Variants in TNK2 observed in about 807,000 individuals in gnomAD.
TNK2 encodes the protein activated CDC42 kinase 1.
In TNK2, 83 loss-of-function variants were observed where a neutral mutation model predicts 101.8. The observed-to-expected ratio is 0.82, with a 90% CI of 0.68 to 0.98. The LOEUF (loss-of-function observed/expected upper bound fraction) is 0.98. Ranked by LOEUF, TNK2 falls within the 50% of genes least tolerant of loss-of-function variation. TNK2 has a pLI of 0.00. For synonymous variants in TNK2, 804 were observed against 633.0 expected, an observed-to-expected ratio of 1.27 and a Z score of -4.06; for missense variants, 1,665 against 1,483.2, an observed-to-expected ratio of 1.12 and a Z score of -2.01.
chr3:195,874,467 T>G (rs1747720037), intron 9 of TNK2, among the ~76,000 whole-genome samples: 1 of 151,894 alleles, frequency 6.6e-6, no homozygotes. Flanking sequence ...AGAGTAAGAG[T>G]GCGGAGGACG....
chr3:195,887,164 C>T lies in TNK2; in HGVS notation c.164-117G>A. 6.1e-6 allele frequency: 6 copies of T among 982,290 alleles called. No individual in the cohort carries two copies. In the South Asian group the frequency reaches 9.0e-5, roughly 15 times the overall value. 60.8% of individuals were successfully genotyped at this position (982,290 alleles called of 1,614,324 possible). A position where few individuals can be genotyped will look rare whatever the true frequency, so the allele number is the denominator to read the frequency against. ...CTAGACACCGCCCACCCGATGATAG[C>T]AATGAAATCAACCCCAACTAACCCG... On this transcript the variant is annotated intron_variant, in intron 2 of 15. Transcript: ENST00000672887.
In TNK2 at chr3:195,867,761, TG is replaced by T; in HGVS notation, c.2536del (p.Gln846ArgfsTer2). 4 of 1,588,426 alleles carry T rather than the reference TG, an allele frequency of 2.5e-6. No homozygotes were observed. The highest frequency in any genetic ancestry group is 2.2e-5 in the East Asian group (1 of 44,488). On this transcript the variant is annotated frameshift_variant, in exon 13 of 16. Transcript: ENST00000672887. LOFTEE classifies it high-confidence loss of function. Reference sequence around the variant, plus strand: ...CCGCGGGCCAGGGGCCTGGATCACCTGGGGGGTGGCGTACTTGGGGTCTGAG... The same window carrying T: ...CCGCGGGCCAGGGGCCTGGATCACCTGGGGGTGGCGTACTTGGGGTCTGAG... ...FASDPKYATP[Q>X]VIQAPGPRAG...
In TNK2 at chr3:195,867,706, C is replaced by G; in HGVS notation, c.2592G>C (p.Arg864=). The G allele has an allele frequency of 6.2e-7, 1 of 1,608,160 alleles. No homozygotes were observed. The stretch of plus-strand genomic sequence containing the variant: ...GGGTGCTGCTGACCTTCTTGCCATC[C>G]CGGACGATGGGCAGGATGCAGGGAC... ...RAGPCILPIV[R]DGKKVSSTHY... is the part of the protein sequence containing the mutation. Residue 864 remains arginine, a synonymous_variant, in exon 13 of 16, where the codon CGG becomes CGC. Coordinates refer to ENST00000672887, the MANE Select transcript of TNK2 (RefSeq NM_001382273.1).
chr3:195,890,141 CGACCGG>C (rs1283987975), intron 1 of TNK2, among the ~76,000 whole-genome samples: 1 of 152,254 alleles, frequency 6.6e-6, no homozygotes, highest in Non-Finnish European at 1.5e-5. Context: ...TCCACCTCGG[CGACCGG>C]GCCAGGCAGC....
At position 195,883,162 on chromosome 3, in the gene TNK2, T is replaced by A; in HGVS notation, c.604A>T (p.Lys202Ter). The change falls in exon 5 of 16, where the codon AAG (lysine) becomes TAG (stop). Residue 202 changes from lysine (K) to a stop codon, truncating the protein, a stop_gained. Transcript: ENST00000672887. LOFTEE classifies it high-confidence loss of function. ...CTCCCGCCCGCAGTACTCACCATCT[T>A]CATGGGCGGCGTGAGCACCACCCCG... Reference protein sequence around the residue: ...LYGVVLTPPMKMVTELAPLGS... With the variant: ...LYGVVLTPPM 2.5e-6 allele frequency: 4 copies of A among 1,604,848 alleles called. No individual in the cohort carries two copies. The highest frequency in any genetic ancestry group is 3.4e-6 in the Non-Finnish European group (4 of 1,179,748).
chr3:195,879,322 G>A, intron 6 of TNK2, 147 bp from the exon 7 acceptor site: 1 of 1,245,344 alleles, frequency 8.0e-7, no homozygotes, highest in Non-Finnish European at 1.1e-6. Flanking sequence ...GTGTGAAGCG[G>A]GCAGGACCCC....
intron 4 of TNK2, chr3:195,884,091 T>C (rs1754515901): frequency 6.6e-6 from 1 of 152,152 alleles, no homozygotes; most frequent in African/African-American, 2.4e-5. Flanking sequence ...ACACCAGAAC[T>C]GTATGCTGTG....
At chr3:195,903,332 G>A (rs370003518) in intron 1 of TNK2, among the ~76,000 whole-genome samples, 51 of 149,564 alleles carry the variant, frequency 3.4e-4, no homozygotes, top group Middle Eastern at 3.9e-3. Context: ...GAGCCACCGC[G>A]CCCGGCCAGC....
chr3:195,903,292 G>A (rs147786918), intron 1 of TNK2, among the ~76,000 whole-genome samples: 112 of 149,212 alleles, frequency 7.5e-4, no homozygotes, highest in African/African-American at 2.6e-3. Flanking sequence ...TGCACATCTC[G>A]GCCTCCCAAA....
Position 195,885,230 on chromosome 3 carries a change from C to T in TNK2, c.235-197G>A, listed in dbSNP as rs998811362. 13 of 1,027,292 alleles carry T rather than the reference C, an allele frequency of 1.3e-5. No individual in the cohort carries two copies. In the African/African-American group the frequency reaches 1.5e-4, roughly 12 times the overall value. The allele number at this position is 1,027,292 out of a possible 1,614,324, so 63.6% of individuals were successfully genotyped here. ...CACACCCCCAAACATGAACCCAAAG[C>T]CTGATGCTGGCCTCAAGGAGGGTGC... On this transcript the variant is annotated intron_variant, in intron 3 of 15. Coordinates refer to ENST00000672887, the MANE Select transcript of TNK2 (RefSeq NM_001382273.1). This position sits in a 1 kb window ranked among gnomAD's most constrained non-coding sequence, Gnocchi z 4.7.
rs761873521 is a variant in TNK2, at chr3:195,868,170, C to T, written c.2128G>A (p.Gly710Ser). 1.2e-6 allele frequency: 2 copies of T among 1,610,468 alleles called. No individual in the cohort carries two copies. The highest frequency in any genetic ancestry group is 1.7e-6 in the Non-Finnish European group (2 of 1,179,010). Residue 710 changes from glycine to serine, a missense_variant, in exon 13 of 16, where the codon GGC becomes AGC. Physicochemically the swap from Gly to Ser is moderately conservative, Grantham distance 56. This residue lies in a region of TNK2 where 1,136 missense variants were observed against 894.9 expected (regional missense o/e 1.27). Transcript: ENST00000672887. ...GTCTGTGCGGAGCTGGGCGGCTTGC[C>T]CCCACCCTGGGGCGGGAGGAACAGG... ...DNLFLPPQGG[G>S]KPPSSAQTAE...
At chr3:195,900,293 A>ACAGAGG (rs1761070426) in intron 1 of TNK2, among the ~76,000 whole-genome samples, 1 of 151,962 alleles carries the variant, frequency 6.6e-6, no homozygotes, top group African/African-American at 2.4e-5. Flanking sequence ...AGGGCAGAGC[A>ACAGAGG]CAGAGGCAGA....
intron 4 of TNK2, 30 bp from the exon 5 acceptor site, chr3:195,883,339 G>C: frequency 6.2e-7 from 1 of 1,610,086 alleles, no homozygotes; most frequent in Non-Finnish European, 8.5e-7. Flanking sequence ...CAAGGACTCA[G>C]GACTTGCCAG....
intron 2 of TNK2, among the ~76,000 whole-genome samples, chr3:195,887,783 G>A (rs938756793): frequency 9.1e-5 from 6 of 65,954 alleles, no homozygotes; most frequent in African/African-American, 2.0e-4. Context: ...GTCTGCGCGC[G>A]TGTGTGTACA....
At chr3:195,887,938 ATGTGCGTG>A (rs749528248) in intron 2 of TNK2, among the ~76,000 whole-genome samples, 63 of 121,944 alleles carry the variant, frequency 5.2e-4, no homozygotes, top group Admixed American at 1.4e-3. Flanking sequence ...GTGTGTGCGC[ATGTGCGTG>A]TGTGCCTGCG....
At chr3:195,902,131 C>A (rs924774400) in intron 1 of TNK2, among the ~76,000 whole-genome samples, 1 of 152,140 alleles carries the variant, frequency 6.6e-6, no homozygotes, top group Non-Finnish European at 1.5e-5. Context: ...ACTTTGGAAG[C>A]TGGAAAGCAG....
At chr3:195,891,630 C>T (rs551531944) in intron 1 of TNK2, among the ~76,000 whole-genome samples, 3 of 152,060 alleles carry the variant, frequency 2.0e-5, no homozygotes, top group African/African-American at 7.3e-5. Context: ...CCACGGCCAC[C>T]GCTGCCCTGT....
chr3:195,883,367 C>A, intron 4 of TNK2, 58 bp from the exon 5 acceptor site: 1 of 1,594,392 alleles, frequency 6.3e-7, no homozygotes, highest in Non-Finnish European at 8.5e-7. Context: ...ACACGCGGAG[C>A]CAACCTGCTC....
In TNK2 at chr3:195,868,317, C is replaced by G; in HGVS notation, c.1981G>C (p.Glu661Gln). ...DDVAQDEDDF[E>Q]ICSINSTLVG... ...AGGGTGCTGTTGATGGAGCAGATCT[C>G]AAAGTCATCCTCATCCTGGGCCACG... The change falls in exon 13 of 16, where the codon GAG (glutamate) becomes CAG (glutamine). Residue 661 changes from glutamate to glutamine, a missense_variant. This residue lies in a region of TNK2 where 1,136 missense variants were observed against 894.9 expected (regional missense o/e 1.27). Transcript: ENST00000672887. 1 of 1,602,956 alleles carries G rather than the reference C, an allele frequency of 6.2e-7. No homozygotes were observed. Among genetic ancestry groups the G allele is most frequent in the Non-Finnish European group, 8.5e-7 (1 of 1,179,254 alleles).
Sources: gnomAD v4.1 joint callset for allele counts (sites outside exome capture counted in the v4.1 genomes callset) on GRCh38, gnomAD v4.1.1 for gene constraint, gnomAD v4.1.1 regional missense constraint, Gnocchi (gnomAD v3.1) non-coding constraint, MANE v1.5 for transcripts, NCBI Gene and HGNC (gene_info 2026-07-23, HGNC 2026-07-21) for gene names.